MEIS2: variants seen among roughly 807,000 people sequenced by gnomAD.
The protein encoded by MEIS2 is Meis homeobox 2, also known as homeobox protein Meis2.
A neutral mutation model predicts 58.6 loss-of-function variants in MEIS2; 9 were observed. The observed-to-expected ratio is 0.15, with a 90% confidence interval of 0.09 to 0.27. The LOEUF is 0.27. Ranked by LOEUF, MEIS2 falls within the 10% of genes least tolerant of loss-of-function variation. MEIS2 has a pLI of 1.00. For synonymous variants in MEIS2, 221 were observed against 228.4 expected (o/e 0.97, Z 0.29); for missense variants, 427 against 635.0 (o/e 0.67, Z 3.52).
intron 7 of MEIS2, among the ~76,000 whole-genome samples, chr15:37,057,649 A>AAAAT (rs138007500): frequency 0.094 from 14,250 of 151,806 alleles, 755 homozygotes; most frequent in East Asian, 0.14. Flanking sequence ...TGGAACTGAA[A>AAAAT]AAATAAATAA....
intron 9 of MEIS2, among the ~76,000 whole-genome samples, chr15:36,949,830 CT>C (rs1243848840): frequency 6.6e-6 from 1 of 151,904 alleles, no homozygotes; most frequent in Non-Finnish European, 1.5e-5. Flanking sequence ...ATGGAAAAAC[CT>C]TTTCTCCTAT....
At chr15:36,947,873 A>C (rs1470302398) in intron 9 of MEIS2, among the ~76,000 whole-genome samples, 1 of 151,982 alleles carries the variant, frequency 6.6e-6, no homozygotes, top group Admixed American at 6.6e-5. Flanking sequence ...AGTAGATTGA[A>C]TAGCTTTCTC....
At chr15:37,057,649 A>C (rs78927105) in intron 7 of MEIS2, among the ~76,000 whole-genome samples, 2,594 of 151,860 alleles carry the variant, frequency 0.017, 38 homozygotes, top group South Asian at 0.057. Flanking sequence ...TGGAACTGAA[A>C]AAATAAATAA....
At chr15:37,081,581 A>C (rs1198878825) in intron 7 of MEIS2, among the ~76,000 whole-genome samples, 2 of 152,222 alleles carry the variant, frequency 1.3e-5, no homozygotes, top group African/African-American at 4.8e-5. Flanking sequence ...CTGCTGTAAA[A>C]AGCCAGAATG....
chr15:37,089,876 G>C (rs1426346927), intron 6 of MEIS2, among the ~76,000 whole-genome samples: 2 of 151,886 alleles, frequency 1.3e-5, no homozygotes, highest in Non-Finnish European at 2.9e-5. Flanking sequence ...GTCTGTACTA[G>C]GTCTAAATAT....
chr15:37,033,850 T>C (rs2062033972), intron 8 of MEIS2, among the ~76,000 whole-genome samples: 1 of 152,094 alleles, frequency 6.6e-6, no homozygotes, highest in Non-Finnish European at 1.5e-5. Flanking sequence ...CATTAAAGAT[T>C]GGAAAGTAAA....
At chr15:36,954,084 A>T (rs1016124606) in intron 8 of MEIS2, among the ~76,000 whole-genome samples, 9 of 152,312 alleles carry the variant, frequency 5.9e-5, no homozygotes, top group Non-Finnish European at 1.2e-4. Context: ...CATAAATTAG[A>T]TATGTACAAT....
intron 7 of MEIS2, among the ~76,000 whole-genome samples, chr15:37,074,005 A>C (rs1000928465): frequency 6.6e-6 from 1 of 152,020 alleles, no homozygotes; most frequent in African/African-American, 2.4e-5. Context: ...AATTCTCCTG[A>C]AAATTATTTA....
At chr15:37,090,679 G>GCA (rs142616060) in intron 6 of MEIS2, among the ~76,000 whole-genome samples, 4,828 of 151,660 alleles carry the variant, frequency 0.032, 141 homozygotes, top group East Asian at 0.12. Flanking sequence ...ACACGAGTAT[G>GCA]CACACACACA....
intron 7 of MEIS2, among the ~76,000 whole-genome samples, chr15:37,069,083 C>T (rs1890338234): frequency 6.6e-6 from 1 of 152,074 alleles, no homozygotes; most frequent in Admixed American, 6.6e-5. Flanking sequence ...TTTTTGCCAG[C>T]TGAAAGCAAC....
intron 7 of MEIS2, among the ~76,000 whole-genome samples, chr15:37,046,698 C>T (rs75010457): frequency 1.9e-4 from 29 of 152,192 alleles, no homozygotes; most frequent in Non-Finnish European, 3.5e-4. Flanking sequence ...AAATCAGTCC[C>T]CTCAATTTAC....
chr15:37,096,549 G>T, intron 2 of MEIS2, 119 bp from the exon 3 acceptor site: 2 of 1,244,598 alleles, frequency 1.6e-6, no homozygotes, highest in Non-Finnish European at 2.2e-6. Flanking sequence ...CAACAGGCAC[G>T]CACCACACTT....
intron 8 of MEIS2, among the ~76,000 whole-genome samples, chr15:37,025,753 CAAA>C (rs35154978): frequency 3.1e-5 from 3 of 96,826 alleles, no homozygotes; most frequent in Admixed American, 1.2e-4. Context: ...ACTTGCTCTG[CAAA>C]AAAAAAAAAA....
At chr15:37,031,751 A>G (rs1051755496) in intron 8 of MEIS2, among the ~76,000 whole-genome samples, 1 of 151,728 alleles carries the variant, frequency 6.6e-6, no homozygotes, top group Non-Finnish European at 1.5e-5. Context: ...TTTGTCATGA[A>G]CAAAAGGCAG....
At chr15:37,040,451 G>A (rs1020215876) in intron 7 of MEIS2, among the ~76,000 whole-genome samples, 6 of 152,102 alleles carry the variant, frequency 3.9e-5, no homozygotes, top group African/African-American at 1.2e-4. Flanking sequence ...TGAAGGTCTT[G>A]TTCCTCTGGA....
intron 9 of MEIS2, among the ~76,000 whole-genome samples, chr15:36,899,987 T>A (rs965120477): frequency 3.3e-5 from 5 of 152,216 alleles, no homozygotes; most frequent in African/African-American, 1.2e-4. Flanking sequence ...CACCCAACTT[T>A]AATGAAAACC....
rs188305865 is a variant in MEIS2 at position 37,074,337 on chromosome 15, C to A, written c.754+9434G>T. Among the ~76,000 whole-genome samples, 490 of 152,002 alleles carry A rather than the reference C, an allele frequency of 3.2e-3. 2 individuals carry two copies. The highest frequency in any genetic ancestry group is 0.011 in the African/African-American group (452 of 41,492). ...ACTGAGAAGAAAAAGGCTCTCCTGG[C>A]AACCAAAAACAAGAAACAGAAATAT... On this transcript the variant is annotated intron_variant, in intron 7 of 11. Coordinates refer to ENST00000561208, the MANE Select transcript of MEIS2 (RefSeq NM_170675.5).
chr15:36,954,811 A>C (rs1015937032), intron 8 of MEIS2, among the ~76,000 whole-genome samples: 1 of 152,198 alleles, frequency 6.6e-6, no homozygotes, highest in East Asian at 1.9e-4. Context: ...GTTTGAGTAC[A>C]TGCGTGGAAA....
intron 6 of MEIS2, among the ~76,000 whole-genome samples, chr15:37,092,326 A>G (rs1026704082): frequency 6.6e-6 from 1 of 152,180 alleles, no homozygotes; most frequent in African/African-American, 2.4e-5. Context: ...TTTTGTCTGG[A>G]GCAGGGGAGA....
Sources: gnomAD v4.1 joint callset for allele counts (sites outside exome capture counted in the v4.1 genomes callset) on GRCh38, gnomAD v4.1.1 for gene constraint, MANE v1.5 for transcripts, NCBI Gene and HGNC (gene_info 2026-07-23, HGNC 2026-07-21) for gene names.